The following TAOK1 variants were observed in gnomAD, a reference collection of about 807,000 sequenced individuals.
TAOK1 encodes the protein serine/threonine-protein kinase TAO1.
Under a neutral mutation model 138.3 loss-of-function variants are expected in TAOK1, and 21 were observed. The observed-to-expected ratio is 0.15, with a 90% CI of 0.11 to 0.22. The LOEUF (loss-of-function observed/expected upper bound fraction) is 0.22, where lower values mean the gene tolerates loss of function less well. Ranked by LOEUF, TAOK1 falls within the 10% of genes least tolerant of loss-of-function variation. The pLI, the probability that TAOK1 is intolerant of heterozygous loss-of-function variation, is 1.00. For missense variants in TAOK1, 651 were observed against 1,227.7 expected (o/e 0.53, Z 7.02); for synonymous variants, 361 against 398.4 (o/e 0.91, Z 1.12).
chr17:29,517,748 A>G, intron 16 of TAOK1, 92 bp downstream of exon 16: 3 of 1,194,756 alleles, frequency 2.5e-6, no homozygotes, highest in Non-Finnish European at 3.5e-6. Flanking sequence ...GGGACTTTGC[A>G]CTTATACTTG....
intron 4 of TAOK1, among the ~76,000 whole-genome samples, chr17:29,476,753 T>C (rs969059600): frequency 5.3e-5 from 8 of 152,238 alleles, no homozygotes; most frequent in African/African-American, 1.9e-4. Flanking sequence ...AGATTAGTTA[T>C]AATACCACAA....
intron 1 of TAOK1, among the ~76,000 whole-genome samples, chr17:29,408,616 A>G (rs1905060280): frequency 6.6e-6 from 1 of 152,046 alleles, no homozygotes; most frequent in African/African-American, 2.4e-5. Context: ...TCACTTTAAT[A>G]ATAGAGTAAT....
chr17:29,478,409 A>T, intron 6 of TAOK1, 62 bp downstream of exon 6: 1 of 1,181,220 alleles, frequency 8.5e-7, no homozygotes, highest in Non-Finnish European at 1.2e-6. Context: ...CCAACTTTAG[A>T]ATTTATTAAC....
intron 14 of TAOK1, among the ~76,000 whole-genome samples, chr17:29,508,498 T>C (rs1216393433): frequency 1.3e-5 from 2 of 152,206 alleles, no homozygotes; most frequent in Non-Finnish European, 2.9e-5. Context: ...CATGGGACCA[T>C]TTCCTGATTA....
intron 1 of TAOK1, chr17:29,404,136 G>T (rs1299811762): frequency 6.6e-6 from 1 of 151,588 alleles, no homozygotes; most frequent in Non-Finnish European, 1.5e-5. Flanking sequence ...GTGTGGGGGG[G>T]GATTTTGTTT....
intron 13 of TAOK1, among the ~76,000 whole-genome samples, chr17:29,504,370 A>AAATG (rs2031591291): frequency 6.6e-6 from 1 of 150,470 alleles, no homozygotes; most frequent in Non-Finnish European, 1.5e-5. Flanking sequence ...AAAGGAAAGG[A>AAATG]AGGAAATGAG....
At chr17:29,488,674 A>G (rs2031231788) in intron 8 of TAOK1, among the ~76,000 whole-genome samples, 1 of 151,840 alleles carries the variant, frequency 6.6e-6, no homozygotes, top group Non-Finnish European at 1.5e-5. Flanking sequence ...TGGTTGAAAT[A>G]TTTCGGTTGG....
At chr17:29,439,855 T>G (rs1275721672) in intron 1 of TAOK1, among the ~76,000 whole-genome samples, 1 of 124,292 alleles carries the variant, frequency 8.0e-6, no homozygotes, top group East Asian at 2.5e-4. Flanking sequence ...TGAAAAAGAC[T>G]CTGTCTCCTA....
chr17:29,497,225 T>C (rs1384970524), intron 11 of TAOK1, among the ~76,000 whole-genome samples: 2 of 152,124 alleles, frequency 1.3e-5, no homozygotes, highest in Admixed American at 6.5e-5. Flanking sequence ...TCTGAAACCG[T>C]GCTCAATACT....
intron 11 of TAOK1, among the ~76,000 whole-genome samples, chr17:29,496,682 G>A (rs896439119): frequency 6.7e-6 from 1 of 149,534 alleles, no homozygotes; most frequent in African/African-American, 2.5e-5. Flanking sequence ...CCACCTCCCG[G>A]GTTCAAGCAA....
chr17:29,452,683 G>A (rs892702904), intron 2 of TAOK1, among the ~76,000 whole-genome samples: 2 of 152,086 alleles, frequency 1.3e-5, no homozygotes, highest in Non-Finnish European at 2.9e-5. Context: ...CCTTGGTCTC[G>A]ATGAATTTGC....
chr17:29,402,389 A>G (rs564554192), intron 1 of TAOK1, among the ~76,000 whole-genome samples: 2 of 152,138 alleles, frequency 1.3e-5, no homozygotes, highest in South Asian at 4.2e-4. Flanking sequence ...CTGTGCCTCT[A>G]CTTCCCGGGC....
In TAOK1 at chr17:29,551,556, T is replaced by TA. The variant is rs1481332470; in HGVS notation, c.*8535dup. 2.6e-5 allele frequency: 4 copies of TA among 152,762 alleles called. No individual in the cohort carries two copies. Among genetic ancestry groups the TA allele is most frequent in the African/African-American group, 7.2e-5 (3 of 41,580 alleles). 9.5% of individuals were successfully genotyped at this position (152,762 alleles called of 1,614,324 possible). A position where few individuals can be genotyped will look rare whatever the true frequency, so the allele number is the denominator to read the frequency against. On this transcript the variant is annotated 3_prime_UTR_variant, in exon 20 of 20. Transcript: ENST00000261716. Reference sequence around the variant, plus strand: ...CAAACAGACGCTCACAGTGGAGGCTTATCAAGGGTTGCATTGGGGAAGAAG... The same window carrying TA: ...CAAACAGACGCTCACAGTGGAGGCTTAATCAAGGGTTGCATTGGGGAAGAAG...
chr17:29,441,298 C>A (rs2029934945), intron 1 of TAOK1, among the ~76,000 whole-genome samples: 1 of 152,104 alleles, frequency 6.6e-6, no homozygotes, highest in Non-Finnish European at 1.5e-5. Flanking sequence ...CACTTGAGCC[C>A]ATGAGTTCGA....
At chr17:29,411,954 C>A (rs1905154241) in intron 1 of TAOK1, among the ~76,000 whole-genome samples, 1 of 152,050 alleles carries the variant, frequency 6.6e-6, no homozygotes, top group Admixed American at 6.6e-5. Flanking sequence ...TTAAGATTAT[C>A]TTTGATTGAC....
chr17:29,472,841 G>T (rs1001225562), intron 3 of TAOK1, among the ~76,000 whole-genome samples: 1 of 152,204 alleles, frequency 6.6e-6, no homozygotes, highest in African/African-American at 2.4e-5. Flanking sequence ...CTCCCAAAGT[G>T]CTGGGATTAC....
At chr17:29,455,450 TTGAA>T (rs2030351621) in intron 2 of TAOK1, among the ~76,000 whole-genome samples, 1 of 150,520 alleles carries the variant, frequency 6.6e-6, no homozygotes, top group Non-Finnish European at 1.5e-5. Context: ...TCTTTTCAAC[TTGAA>T]TGGCTTTCGT....
chr17:29,470,574 A>G (rs1598494856), intron 3 of TAOK1, among the ~76,000 whole-genome samples: 1 of 152,208 alleles, frequency 6.6e-6, no homozygotes, highest in East Asian at 1.9e-4. Flanking sequence ...AAGAAAAATC[A>G]CTGAATATGG....
Position 29,408,528 on chromosome 17 carries a change from TC to T in TAOK1, c.-95+17505del, listed in dbSNP as rs1007361437. The stretch of plus-strand genomic sequence containing the variant: ...ACTGCGCCTGGCCCATAACGTTTTT[TC>T]AATCAATTTTACCAAGCTTTAATTT... On this transcript the variant is annotated intron_variant, in intron 1 of 19. Transcript: ENST00000261716. 1.1e-4 allele frequency among the ~76,000 whole-genome samples: 16 copies of T among 152,230 alleles called. No homozygotes were observed. The East Asian group carries it at 2.3e-3, about 22-fold the overall frequency.
Sources: gnomAD v4.1 joint callset for allele counts (sites outside exome capture counted in the v4.1 genomes callset) on GRCh38, gnomAD v4.1.1 for gene constraint, MANE v1.5 for transcripts, NCBI Gene and HGNC (gene_info 2026-07-23, HGNC 2026-07-21) for gene names.